Variants in ANKRD18B observed in about 807,000 individuals in gnomAD.
The protein encoded by ANKRD18B is ankyrin repeat domain-containing protein 18B.
A neutral mutation model predicts 111.8 loss-of-function variants in ANKRD18B; 75 were observed. That is an observed-to-expected ratio of 0.67 (90% CI 0.56 to 0.81). The LOEUF (loss-of-function observed/expected upper bound fraction) is 0.81, where lower values mean the gene tolerates loss of function less well. Among genes scored for constraint, ANKRD18B ranks in the 40% least tolerant of loss-of-function variants. The pLI is 0.00. For synonymous variants in ANKRD18B, 356 were observed against 417.3 expected (o/e 0.85, Z 1.79); for missense variants, 1,038 against 1,225.5 (o/e 0.85, Z 2.28).
At chr9:33,557,082 C>A (rs757147523) in intron 13 of ANKRD18B, among the ~76,000 whole-genome samples, 1 of 152,070 alleles carries the variant, frequency 6.6e-6, no homozygotes, top group East Asian at 1.9e-4. Context: ...CAATATTTTT[C>A]TGCCATTGTC....
At chr9:33,539,049 T>C (rs1828241208) in intron 6 of ANKRD18B, among the ~76,000 whole-genome samples, 1 of 152,094 alleles carries the variant, frequency 6.6e-6, no homozygotes, top group South Asian at 2.1e-4. Context: ...TTCAACAGAG[T>C]TTTTAAGAAA....
At chr9:33,571,692 A>G (rs536497880) in intron 18 of ANKRD18B, 1 of 154,618 alleles carries the variant, frequency 6.5e-6, no homozygotes, top group South Asian at 2.0e-4. Context: ...ATGTCAATGT[A>G]ATTCTTGTCA....
At chr9:33,569,367 T>C (rs562369386) in intron 17 of ANKRD18B, among the ~76,000 whole-genome samples, 13 of 149,932 alleles carry the variant, frequency 8.7e-5, no homozygotes, top group Non-Finnish European at 1.6e-4. Flanking sequence ...TGGGTTCAAG[T>C]GATTCTCTTG....
At chr9:33,543,742 G>A (rs1828317137) in intron 10 of ANKRD18B, among the ~76,000 whole-genome samples, 1 of 152,156 alleles carries the variant, frequency 6.6e-6, no homozygotes, top group African/African-American at 2.4e-5. Flanking sequence ...TGTTCAGGGA[G>A]AAGATGGGGT....
In ANKRD18B at chr9:33,556,962, G is replaced by A. The variant is rs185034910; in HGVS notation, c.2331-1096G>A. On this transcript the variant is annotated intron_variant, in intron 13 of 18. Transcript: ENST00000684830. The stretch of plus-strand genomic sequence containing the variant: ...GAAAAAGAGTAAAATGAGCATTCAT[G>A]TTTTGATCACAGACTTTTTTTAAAA... 3.5e-3 allele frequency among the ~76,000 whole-genome samples: 539 copies of A among 152,190 alleles called. 5 individuals are homozygous for A. Among genetic ancestry groups the A allele is most frequent in the African/African-American group, 0.012 (508 of 41,532 alleles).
downstream of ANKRD18B, among the ~76,000 whole-genome samples, chr9:33,574,896 C>T (rs762459283): frequency 2.0e-5 from 3 of 152,166 alleles, no homozygotes; most frequent in African/African-American, 7.2e-5. Flanking sequence ...GCTGAGTCCC[C>T]ATCGCCTCTG....
intron 1 of ANKRD18B, among the ~76,000 whole-genome samples, chr9:33,527,523 T>C (rs575153924): frequency 1.3e-5 from 2 of 152,306 alleles, no homozygotes; most frequent in South Asian, 4.1e-4. Context: ...AGTTTCACCA[T>C]GTTGGTCAGG....
chr9:33,524,563 G>C lies in ANKRD18B; in HGVS notation c.74G>C (p.Gly25Ala). Residue 25 changes from glycine (G) to alanine (A), a missense_variant, in exon 1 of 19, where the codon GGT (glycine) becomes GCT (alanine). Gly to Ala is a moderately conservative substitution (Grantham distance 60, BLOSUM62 0). Coordinates refer to ENST00000684830, the MANE Select transcript of ANKRD18B (RefSeq NM_001393611.1). ...AGCTCCATGGACCAAGAGTATGCGG[G>C]TCGGGGGTACCACATTCGGGACTGG... ...LLSSMDQEYAGRGYHIRDWEL... is the reference protein window; with the variant it reads ...LLSSMDQEYAARGYHIRDWEL... 1.9e-6 allele frequency: 3 copies of C among 1,551,482 alleles called. No homozygotes were observed. The highest frequency in any genetic ancestry group is 2.4e-5 in the South Asian group (2 of 84,062).
At chr9:33,564,333 A>G (rs1828653819) in intron 14 of ANKRD18B, among the ~76,000 whole-genome samples, 3 of 152,228 alleles carry the variant, frequency 2.0e-5, no homozygotes. Flanking sequence ...TGCCCTTAAC[A>G]TAATATCCTC....
At chr9:33,569,046 T>C (rs1249907785) in intron 17 of ANKRD18B, 153 bp downstream of exon 17, 3 of 680,722 alleles carry the variant, frequency 4.4e-6, no homozygotes, top group Non-Finnish European at 6.4e-6. Context: ...ATGGAAACTT[T>C]ACATTTTTTA....
chr9:33,571,545 A>C (rs1828776165), intron 18 of ANKRD18B: 1 of 159,272 alleles, frequency 6.3e-6, no homozygotes, highest in African/African-American at 2.4e-5. Context: ...CTGATTCTGC[A>C]ATTTCTTCAC....
chr9:33,533,547 T>C lies in ANKRD18B; in HGVS notation c.602+2T>C, dbSNP rs865931633. The C allele has an allele frequency of 1.3e-6, 2 of 1,528,656 alleles. No homozygotes were observed. Among genetic ancestry groups the C allele is most frequent in the African/African-American group, 1.4e-5 (1 of 71,304 alleles). 94.7% of individuals were successfully genotyped at this position (1,528,656 alleles called of 1,614,324 possible). Reference sequence around the variant, plus strand: ...ACATGCCGTTGACAATTTCAAAAGGTGCAATAGTTTTTGTTTTCTGTTTTC... The same window carrying C: ...ACATGCCGTTGACAATTTCAAAAGGCGCAATAGTTTTTGTTTTCTGTTTTC... On this transcript the variant is annotated splice_donor_variant, in intron 4 of 18. Transcript: ENST00000684830. LOFTEE classifies it high-confidence loss of function.
At chr9:33,554,083 A>T (rs1374625785) in intron 12 of ANKRD18B, among the ~76,000 whole-genome samples, 1 of 151,742 alleles carries the variant, frequency 6.6e-6, no homozygotes, top group Non-Finnish European at 1.5e-5. Flanking sequence ...AAAAAAAAAT[A>T]AATAAATAAG....
chr9:33,559,903 A>G (rs930304814), intron 14 of ANKRD18B, among the ~76,000 whole-genome samples: 89 of 152,354 alleles, frequency 5.8e-4, no homozygotes, highest in African/African-American at 2.1e-3. Flanking sequence ...CATCAATTTT[A>G]GAACACTTTC....
chr9:33,548,356 T>C lies in ANKRD18B; in HGVS notation c.1568T>C (p.Val523Ala). The change falls in exon 11 of 19, where the codon GTT (valine) becomes GCT (alanine). Residue 523 changes from valine (V) to alanine (A), a missense_variant. Coordinates refer to ENST00000684830, the MANE Select transcript of ANKRD18B (RefSeq NM_001393611.1). ...LELVLWRADD[V>A]SRHETMGSNI... The stretch of plus-strand genomic sequence containing the variant: ...CTAGTTTTATGGAGAGCAGATGATG[T>C]TTCTAGACATGAAACAATGGGTTCT... 2 of 1,549,856 alleles carry C rather than the reference T, an allele frequency of 1.3e-6. No individual in the cohort carries two copies. Among genetic ancestry groups the C allele is most frequent in the Non-Finnish European group, 1.7e-6 (2 of 1,146,178 alleles).
At chr9:33,526,571 TTTA>T (rs1266561702) in intron 1 of ANKRD18B, among the ~76,000 whole-genome samples, 1 of 152,176 alleles carries the variant, frequency 6.6e-6, no homozygotes, top group Non-Finnish European at 1.5e-5. Flanking sequence ...CTAGTAAAAA[TTTA>T]TTATTAATGG....
downstream of ANKRD18B, among the ~76,000 whole-genome samples, chr9:33,574,033 G>T (rs918865984): frequency 7.0e-6 from 1 of 141,846 alleles, no homozygotes; most frequent in Non-Finnish European, 1.6e-5. Flanking sequence ...GGCCTTAGTG[G>T]CTTGGAGCCT....
At chr9:33,535,992 A>G (rs1263129469) in intron 5 of ANKRD18B, among the ~76,000 whole-genome samples, 1 of 151,954 alleles carries the variant, frequency 6.6e-6, no homozygotes, top group Non-Finnish European at 1.5e-5. Flanking sequence ...CATCTCTTTC[A>G]TGGAACTGAA....
intron 3 of ANKRD18B, among the ~76,000 whole-genome samples, chr9:33,530,313 T>C (rs1828091917): frequency 6.6e-6 from 1 of 152,090 alleles, no homozygotes; most frequent in Non-Finnish European, 1.5e-5. Context: ...TGGTTAAAAA[T>C]ATTTTCTTGA....
Sources: gnomAD v4.1 joint callset for allele counts (sites outside exome capture counted in the v4.1 genomes callset) on GRCh38, gnomAD v4.1.1 for gene constraint, MANE v1.5 for transcripts, NCBI Gene and HGNC (gene_info 2026-07-23, HGNC 2026-07-21) for gene names.